Variants in ANKFN1 observed in about 807,000 individuals in gnomAD.
ANKFN1 encodes the protein ankyrin repeat and fibronectin type III domain containing 1.
A neutral mutation model predicts 108.7 loss-of-function variants in ANKFN1; 74 were observed. The ratio of observed to expected loss-of-function variants is 0.68; its 90% CI spans 0.56 to 0.83. The LOEUF is 0.83. Ranked by LOEUF, ANKFN1 falls within the 40% of genes least tolerant of loss-of-function variation. ANKFN1 has a pLI of 0.00. For missense variants in ANKFN1, 1,505 were observed against 1,382.3 expected, an observed-to-expected ratio of 1.09 and a Z score of -1.41; for synonymous variants, 547 against 516.2, an observed-to-expected ratio of 1.06 and a Z score of -0.81.
At chr17:56,164,980 CATT>C (rs1910015618) in intron 1 of ANKFN1, among the ~76,000 whole-genome samples, 1 of 152,212 alleles carries the variant, frequency 6.6e-6, no homozygotes, top group African/African-American at 2.4e-5. Context: ...TGGTCCCCAT[CATT>C]TGCTAGTTAG....
rs928341864 is a variant in ANKFN1 at position 56,431,793 on chromosome 17, T to C, written c.911-8534T>C. 2.0e-5 allele frequency among the ~76,000 whole-genome samples: 3 copies of C among 152,252 alleles called. 1 individual carries two copies. The East Asian group carries it at 5.8e-4, about 29-fold the overall frequency. On this transcript the variant is annotated intron_variant, in intron 8 of 20. Transcript: ENST00000682825. ...CTTTTGCCCCCGTGGCTAGTGATTT[T>C]AATTTCAGGAATGCCCAACAGGACT...
chr17:56,102,319 TGTCTATACTAGACTATACTA>T (rs952937016), intron 4 of ANKFN1, among the ~76,000 whole-genome samples: 37 of 152,358 alleles, frequency 2.4e-4, no homozygotes, highest in Non-Finnish European at 4.6e-4. Flanking sequence ...CTTGTATAAT[TGTCTATACTAGACTATACTA>T]GTCTATACTA....
chr17:56,442,314 C>G (rs2049132277), intron 9 of ANKFN1, among the ~76,000 whole-genome samples: 1 of 152,128 alleles, frequency 6.6e-6, no homozygotes, highest in South Asian at 2.1e-4. Context: ...CGAATATTTG[C>G]TCACAGTGAA....
intron 15 of ANKFN1, 28 bp from the exon 16 acceptor site, chr17:56,477,458 TTC>T (rs1598686818): frequency 4.0e-6 from 6 of 1,512,684 alleles, no homozygotes; most frequent in African/African-American, 1.4e-5. Flanking sequence ...TTTTCTTGTT[TTC>T]TTTTTTTTTT....
At chr17:56,182,233 G>C (rs1464927719) in intron 1 of ANKFN1, among the ~76,000 whole-genome samples, 1 of 152,168 alleles carries the variant, frequency 6.6e-6, no homozygotes, top group Non-Finnish European at 1.5e-5. Flanking sequence ...TCAAAAGCTA[G>C]AAGTGATTCA....
intron 8 of ANKFN1, among the ~76,000 whole-genome samples, chr17:56,421,517 A>C (rs1389120760): frequency 6.6e-6 from 1 of 152,226 alleles, no homozygotes; most frequent in Non-Finnish European, 1.5e-5. Flanking sequence ...CCTCTTTGGC[A>C]TCACTCTCCC....
At chr17:56,161,046 T>C (rs1054107048) in intron 1 of ANKFN1, among the ~76,000 whole-genome samples, 5 of 152,300 alleles carry the variant, frequency 3.3e-5, no homozygotes, top group Non-Finnish European at 5.9e-5. Flanking sequence ...TCAAATAGAA[T>C]TAGAGGAGAT....
chr17:56,291,884 AG>A (rs1440425105), intron 3 of ANKFN1, among the ~76,000 whole-genome samples: 1 of 152,258 alleles, frequency 6.6e-6, no homozygotes. Flanking sequence ...AGTTTAACAA[AG>A]AACCAGGAAT....
chr17:56,345,671 G>C (rs752051982), intron 4 of ANKFN1, among the ~76,000 whole-genome samples: 26 of 152,070 alleles, frequency 1.7e-4, no homozygotes, highest in African/African-American at 4.1e-4. Flanking sequence ...TCATATGTTT[G>C]TTGGCCACAT....
intron 8 of ANKFN1, among the ~76,000 whole-genome samples, chr17:56,378,083 TTAAAATTAAAAA>T (rs1357675130): frequency 6.6e-6 from 1 of 152,244 alleles, no homozygotes; most frequent in Non-Finnish European, 1.5e-5. Context: ...ATGACATTTT[TTAAAATTAAAAA>T]GCATCTCTCC....
At position 56,385,723 on chromosome 17, in the gene ANKFN1, C is replaced by T. The variant is rs556984822; in HGVS notation, c.910+11009C>T. ...TAGCCAAAAAACACATGAAAAAATG[C>T]TCACCATCACTGGCCATCAGAGAAA... is the stretch of plus-strand genomic sequence containing the variant. On this transcript the variant is annotated intron_variant, in intron 8 of 20. Coordinates refer to ENST00000682825, the MANE Select transcript of ANKFN1 (RefSeq NM_001370326.1). Among the ~76,000 whole-genome samples the T allele has an allele frequency of 1.8e-3, 270 of 152,298 alleles. 1 individual carries two copies. Among genetic ancestry groups the T allele is most frequent in the African/African-American group, 6.4e-3 (265 of 41,564 alleles).
intron 3 of ANKFN1, among the ~76,000 whole-genome samples, chr17:56,284,119 G>A (rs2044155476): frequency 6.6e-6 from 1 of 152,194 alleles, no homozygotes; most frequent in Non-Finnish European, 1.5e-5. Context: ...ATGTGTGTGT[G>A]TGTGCACACA....
chr17:56,414,287 T>G (rs1013607564), intron 8 of ANKFN1, among the ~76,000 whole-genome samples: 2 of 152,194 alleles, frequency 1.3e-5, no homozygotes, highest in Non-Finnish European at 2.9e-5. Flanking sequence ...TTTGTACATC[T>G]GGTGAATTCT....
At chr17:56,316,428 G>A (rs1010475478) in intron 3 of ANKFN1, among the ~76,000 whole-genome samples, 1 of 152,074 alleles carries the variant, frequency 6.6e-6, no homozygotes, top group Non-Finnish European at 1.5e-5. Flanking sequence ...GCAGGAGACT[G>A]GGTCATAAGC....
At chr17:56,179,324 C>T (rs905092375) in intron 1 of ANKFN1, among the ~76,000 whole-genome samples, 1 of 152,204 alleles carries the variant, frequency 6.6e-6, no homozygotes, top group African/African-American at 2.4e-5. Flanking sequence ...ACAAACTCTC[C>T]TGTGTTTTCT....
At chr17:56,104,262 C>A (rs1483398528) in intron 4 of ANKFN1, among the ~76,000 whole-genome samples, 1 of 152,244 alleles carries the variant, frequency 6.6e-6, no homozygotes, top group Non-Finnish European at 1.5e-5. Flanking sequence ...CTTTGCAAAG[C>A]ACAAGGCATT....
chr17:56,443,726 G>A (rs561664918), intron 10 of ANKFN1, among the ~76,000 whole-genome samples: 1 of 152,288 alleles, frequency 6.6e-6, no homozygotes, highest in Admixed American at 6.5e-5. Flanking sequence ...AAAATTAATT[G>A]TCTATGCCAG....
intron 4 of ANKFN1, among the ~76,000 whole-genome samples, chr17:56,063,958 G>A (rs1905020487): frequency 1.3e-5 from 2 of 152,112 alleles, no homozygotes; most frequent in African/African-American, 2.4e-5. Flanking sequence ...TGCTGTTGTT[G>A]TTGCTTTCTG....
rs151323005 is a variant in ANKFN1 at position 56,111,388 on chromosome 17, C to G, written c.288+65063C>G. ...CACTTACTCTCTGCCTACCACCTCT[C>G]TGCCTCTCCTTGTGTGCCTGTGAGT... On this transcript the variant is annotated intron_variant, in intron 4 of 12. Transcript: ENST00000635860. 5.5e-3 allele frequency among the ~76,000 whole-genome samples: 832 copies of G among 152,272 alleles called. 8 individuals are homozygous for G. The highest frequency in any genetic ancestry group is 0.019 in the African/African-American group (798 of 41,560).
Sources: allele counts gnomAD v4.1 joint callset (sites outside exome capture counted in the v4.1 genomes callset), GRCh38; gene constraint gnomAD v4.1.1; transcripts MANE v1.5; gene names NCBI Gene and HGNC (gene_info 2026-07-23, HGNC 2026-07-21).